The following ARPP19 variants were observed in gnomAD, a reference collection of about 807,000 sequenced individuals.
The protein encoded by ARPP19 is cAMP-regulated phosphoprotein 19.
In ARPP19, 8 loss-of-function variants were observed where a neutral mutation model predicts 12.0. That is an observed-to-expected ratio of 0.67 (90% CI 0.39 to 1.21). ARPP19 has a LOEUF of 1.21. Among genes scored for constraint, ARPP19 ranks in the 50% most tolerant of loss-of-function variants. The pLI, the probability that ARPP19 is intolerant of heterozygous loss-of-function variation, is 0.01. For missense variants in ARPP19, 102 were observed against 136.3 expected, an observed-to-expected ratio of 0.75 and a Z score of 1.25; for synonymous variants, 47 against 50.4, an observed-to-expected ratio of 0.93 and a Z score of 0.29.
At chr15:52,560,327 T>C (rs975903098) in intron 1 of ARPP19, among the ~76,000 whole-genome samples, 5 of 152,202 alleles carry the variant, frequency 3.3e-5, no homozygotes, top group East Asian at 1.9e-4. Flanking sequence ...AAGGAATACA[T>C]TGATATATCA....
At position 52,568,845 on chromosome 15, in the gene ARPP19, C is replaced by T. The variant is rs750568701; in HGVS notation, c.45+3G>A. 6 of 1,571,378 alleles carry T rather than the reference C, an allele frequency of 3.8e-6. No individual in the cohort carries two copies. In the South Asian group the frequency reaches 6.9e-5, roughly 18 times the overall value. On this transcript the variant is annotated splice_donor_region_variant and intron_variant, in intron 1 of 2. Coordinates refer to ENST00000249822, the MANE Select transcript of ARPP19 (RefSeq NM_006628.6). ...GCCCAGGGCTCACGCCCCGCGCGCT[C>T]ACCTTCTGCTCCTCCGCGGAGGCTG...
Position 52,569,023 on chromosome 15 carries a change from C to T in ARPP19, c.-131G>A. 1.5e-6 allele frequency: 1 copy of T among 654,414 alleles called. No individual in the cohort carries two copies. The highest frequency in any genetic ancestry group is 3.4e-5 in the East Asian group (1 of 29,716). The allele number at this position is 654,414 out of a possible 1,614,324, so 40.5% of individuals were successfully genotyped here. A position where few individuals can be genotyped will look rare whatever the true frequency, so the allele number is the denominator to read the frequency against. On this transcript the variant is annotated 5_prime_UTR_variant, in exon 1 of 3. Coordinates refer to ENST00000249822, the MANE Select transcript of ARPP19 (RefSeq NM_006628.6). ...CTCCGCCCGCGAAAATGGCCGCCGC[C>T]TTATGACGACACGGAGCCGCGAAAC...
At chr15:52,568,807 G>A (rs1313132773) in intron 1 of ARPP19, 41 bp downstream of exon 1, 14 of 1,489,732 alleles carry the variant, frequency 9.4e-6, no homozygotes, top group Non-Finnish European at 1.3e-5. Context: ...CGCCAGACCC[G>A]GCCTTGGGCA....
At chr15:52,557,391 A>G (rs1240931371) in intron 1 of ARPP19, 169 bp from the exon 2 acceptor site, 5 of 590,884 alleles carry the variant, frequency 8.5e-6, no homozygotes, top group Non-Finnish European at 1.2e-5. Context: ...TTGTTTTTCA[A>G]AAGATCCATG....
In ARPP19 at chr15:52,549,101, T is replaced by C. The variant is rs1426304359; in HGVS notation, c.*2833A>G. 1 of 152,256 alleles carries C rather than the reference T, an allele frequency of 6.6e-6. No individual in the cohort carries two copies. The highest frequency in any genetic ancestry group is 1.5e-5 in the Non-Finnish European group (1 of 68,048). The allele number at this position is 152,256 out of a possible 1,614,324, so 9.4% of individuals were successfully genotyped here. ...AGAATGAAATGTTCCTCAAAACTGT[T>C]CTATCAAATGTAGTAGCTATTGGAC... is the stretch of plus-strand genomic sequence containing the variant. On this transcript the variant is annotated 3_prime_UTR_variant, in exon 3 of 3. Coordinates refer to ENST00000249822, the MANE Select transcript of ARPP19 (RefSeq NM_006628.6).
intron 1 of ARPP19, among the ~76,000 whole-genome samples, chr15:52,561,727 A>G (rs977692569): frequency 1.3e-5 from 2 of 151,806 alleles, no homozygotes; most frequent in African/African-American, 2.4e-5. Context: ...AATAACCACA[A>G]TAACCATACT....
intron 1 of ARPP19, among the ~76,000 whole-genome samples, chr15:52,558,463 C>G (rs1451147795): frequency 3.0e-5 from 2 of 66,186 alleles, no homozygotes; most frequent in Admixed American, 3.1e-4. Context: ...TGTCTCAAAA[C>G]AAAACAGAAA....
intron 1 of ARPP19, 79 bp from the exon 2 acceptor site, chr15:52,557,301 T>C (rs2077989987): frequency 1.7e-6 from 2 of 1,211,794 alleles, no homozygotes; most frequent in East Asian, 2.5e-5. Context: ...ATCTGGATTC[T>C]GAATTCTAGT....
In ARPP19 at chr15:52,547,366, AAAAAC is replaced by A. The variant is rs1421788630; in HGVS notation, c.*4563_*4567del. 3.3e-5 allele frequency: 5 copies of A among 152,234 alleles called. No individual in the cohort carries two copies. Among genetic ancestry groups the A allele is most frequent in the African/African-American group, 9.7e-5 (4 of 41,440 alleles). The allele number at this position is 152,234 out of a possible 1,614,324, so 9.4% of individuals were successfully genotyped here. ...CAAAAAGCAAAACAAAACAAAACAA[AAAAAC>A]AAAACAAGGCATTTACTCTTGGCCC... is the stretch of plus-strand genomic sequence containing the variant. On this transcript the variant is annotated 3_prime_UTR_variant, in exon 3 of 3. Transcript: ENST00000249822.
At position 52,547,796 on chromosome 15, in the gene ARPP19, A is replaced by T. The variant is rs2077891695; in HGVS notation, c.*4138T>A. On this transcript the variant is annotated 3_prime_UTR_variant, in exon 3 of 3. Coordinates refer to ENST00000249822, the MANE Select transcript of ARPP19 (RefSeq NM_006628.6). ...TATTGATTAGGATATTGTTTTAGAAAATTTTAAATGTGTCCTAAATTGTGG... is the reference window on the plus strand; with the variant it reads ...TATTGATTAGGATATTGTTTTAGAATATTTTAAATGTGTCCTAAATTGTGG... 1 of 152,190 alleles carries T rather than the reference A, an allele frequency of 6.6e-6. No homozygotes were observed. Among genetic ancestry groups the T allele is most frequent in the African/African-American group, 2.4e-5 (1 of 41,438 alleles). The allele number at this position is 152,190 out of a possible 1,614,324, so 9.4% of individuals were successfully genotyped here.
At chr15:52,568,636 G>A (rs1566900401) in intron 1 of ARPP19, 3 of 468,302 alleles carry the variant, frequency 6.4e-6, no homozygotes, top group Non-Finnish European at 1.1e-5. Context: ...GTTACAAAAG[G>A]CACGATTCGG....
rs2077900094 is a variant in ARPP19 at position 52,548,516 on chromosome 15, A to G, written c.*3418T>C. On this transcript the variant is annotated 3_prime_UTR_variant, in exon 3 of 3. Transcript: ENST00000249822. ...AAAAAAGAATAAAATAAAATAAATC[A>G]CAAGCCATCCTGAGTGATGAAATCT... is the stretch of plus-strand genomic sequence containing the variant. 6.6e-6 allele frequency: 1 copy of G among 152,148 alleles called. No individual in the cohort carries two copies. The highest frequency in any genetic ancestry group is 2.4e-5 in the African/African-American group (1 of 41,368). The allele number at this position is 152,148 out of a possible 1,614,324, so 9.4% of individuals were successfully genotyped here.
intron 1 of ARPP19, among the ~76,000 whole-genome samples, chr15:52,560,279 A>G (rs1034132144): frequency 3.9e-5 from 6 of 152,268 alleles, no homozygotes; most frequent in African/African-American, 1.4e-4. Flanking sequence ...CACAGGCATG[A>G]GCCACTGGGC....
In ARPP19 at chr15:52,569,002, G is replaced by A. The variant is rs1049033088; in HGVS notation, c.-110C>T. 2.6e-6 allele frequency: 2 copies of A among 779,556 alleles called. No individual in the cohort carries two copies. Among genetic ancestry groups the A allele is most frequent in the East Asian group, 6.6e-5 (2 of 30,432 alleles). 48.3% of individuals were successfully genotyped at this position (779,556 alleles called of 1,614,324 possible). On this transcript the variant is annotated 5_prime_UTR_variant, in exon 1 of 3. Coordinates refer to ENST00000249822, the MANE Select transcript of ARPP19 (RefSeq NM_006628.6). ...TCCCAGGGCCCGCCGGGCCGCCTCC[G>A]CCCGCGAAAATGGCCGCCGCCTTAT...
chr15:52,555,294 G>A (rs906855919), intron 2 of ARPP19, among the ~76,000 whole-genome samples: 6 of 151,960 alleles, frequency 3.9e-5, no homozygotes, highest in African/African-American at 1.4e-4. Context: ...GTGACAATTG[G>A]CCCAATGTTG....
rs75102327 is a variant in ARPP19, at chr15:52,567,120, C to T, written c.45+1728G>A. Among the ~76,000 whole-genome samples, 522 of 152,328 alleles carry T rather than the reference C, an allele frequency of 3.4e-3. 4 individuals carry two copies. Among genetic ancestry groups the T allele is most frequent in the African/African-American group, 0.012 (500 of 41,580 alleles). ...ACACAGAAGTGACTGTGCACATTTT[C>T]TTCATGGTTAGGGACACCATCCACG... On this transcript the variant is annotated intron_variant, in intron 1 of 2. Coordinates refer to ENST00000249822, the MANE Select transcript of ARPP19 (RefSeq NM_006628.6).
At chr15:52,564,381 C>T in intron 1 of ARPP19, 1 of 654,212 alleles carries the variant, frequency 1.5e-6, no homozygotes, top group Non-Finnish European at 2.7e-6. Flanking sequence ...CATTGCACCC[C>T]AGCCTGGGCG....
At chr15:52,562,981 T>C (rs913430877) in intron 1 of ARPP19, among the ~76,000 whole-genome samples, 1 of 151,436 alleles carries the variant, frequency 6.6e-6, no homozygotes, top group Non-Finnish European at 1.5e-5. Context: ...GTTCAAGTGA[T>C]TCTCCTGCCT....
chr15:52,562,144 T>A (rs1170184293), intron 1 of ARPP19, among the ~76,000 whole-genome samples: 2 of 152,104 alleles, frequency 1.3e-5, no homozygotes, highest in African/African-American at 2.4e-5. Flanking sequence ...ACAAGTCCAC[T>A]ACTATGGAAT....
Sources: gnomAD v4.1 joint callset for allele counts (sites outside exome capture counted in the v4.1 genomes callset) on GRCh38, gnomAD v4.1.1 for gene constraint, MANE v1.5 for transcripts, NCBI Gene and HGNC (gene_info 2026-07-23, HGNC 2026-07-21) for gene names.